HLA-DPB1: variants seen among roughly 807,000 people sequenced by gnomAD.
The protein encoded by HLA-DPB1 is major histocompatibility complex, class II, DP beta 1.
In HLA-DPB1, 30 loss-of-function variants were observed where a neutral mutation model predicts 29.4. That is an observed-to-expected ratio of 1.02 (90% confidence interval 0.76 to 1.38). The LOEUF (loss-of-function observed/expected upper bound fraction) is 1.38. Among genes scored for constraint, HLA-DPB1 ranks in the 40% most tolerant of loss-of-function variants. HLA-DPB1 has a pLI of 0.00. For synonymous variants in HLA-DPB1, 114 were observed against 134.0 expected, an observed-to-expected ratio of 0.85 and a Z score of 1.03; for missense variants, 261 against 327.5, an observed-to-expected ratio of 0.80 and a Z score of 1.57.
Position 33,076,734 on chromosome 6 carries a change from G to A in HLA-DPB1, c.100+593G>A, listed in dbSNP as rs144015997. Among the ~76,000 whole-genome samples, 540 of 152,204 alleles carry A rather than the reference G, an allele frequency of 3.5e-3. 2 individuals carry two copies. The highest frequency in any genetic ancestry group is 0.025 in the East Asian group (132 of 5,182). ...TGGTTAGGGTACTAGAGTGGGTTGC[G>A]ACTTGTAGGAAGAATGAGATGAGGT... On this transcript the variant is annotated intron_variant, in intron 1 of 5. Coordinates refer to ENST00000418931, the MANE Select transcript of HLA-DPB1 (RefSeq NM_002121.6).
chr6:33,088,426 G>A lies in HLA-DPB1; in HGVS notation c.*1892G>A, dbSNP rs1402920607. The stretch of plus-strand genomic sequence containing the variant: ...CTGAGGTATCTGCACCCACATTACA[G>A]GAACAGGATATGTGCTCCTAGGGAA... On this transcript the variant is annotated 3_prime_UTR_variant, in exon 6 of 6. Transcript: ENST00000418931. 6.6e-6 allele frequency among the ~76,000 whole-genome samples: 1 copy of A among 152,164 alleles called. No homozygotes were observed. The highest frequency in any genetic ancestry group is 1.5e-5 in the Non-Finnish European group (1 of 68,032).
At chr6:33,076,709 T>C (rs1430156605) in intron 1 of HLA-DPB1, among the ~76,000 whole-genome samples, 1 of 151,996 alleles carries the variant, frequency 6.6e-6, no homozygotes, top group East Asian at 1.9e-4. Flanking sequence ...CCCCAGAACT[T>C]GGTTAGGGTA....
At position 33,087,624 on chromosome 6, in the gene HLA-DPB1, C is replaced by T. The variant is rs1317661887; in HGVS notation, c.*1090C>T. On this transcript the variant is annotated 3_prime_UTR_variant, in exon 6 of 6. Coordinates refer to ENST00000418931, the MANE Select transcript of HLA-DPB1 (RefSeq NM_002121.6). ...TGGCTTCTTACAAGCATCTTCTGGG[C>T]CTTGTGTGTCCCTGGGCACCTGTCC... Among the ~76,000 whole-genome samples the T allele has an allele frequency of 6.6e-6, 1 of 152,172 alleles. No homozygotes were observed. The highest frequency in any genetic ancestry group is 1.5e-5 in the Non-Finnish European group (1 of 68,040).
chr6:33,080,337 T>G lies in HLA-DPB1; in HGVS notation c.101-335T>G, dbSNP rs922973315. Reference sequence around the variant, plus strand: ...CCCCAGCTCCTCCCGCCCCTGTTTTTTCTCCCAGTGACCCCACGTGAAACG... The same window carrying G: ...CCCCAGCTCCTCCCGCCCCTGTTTTGTCTCCCAGTGACCCCACGTGAAACG... On this transcript the variant is annotated intron_variant, in intron 1 of 5. Coordinates refer to ENST00000418931, the MANE Select transcript of HLA-DPB1 (RefSeq NM_002121.6). The surrounding 1 kb of genome is among the most constrained non-coding windows in gnomAD (Gnocchi z 4.3). The G allele has an allele frequency of 2.0e-6, 1 of 506,382 alleles. No individual in the cohort carries two copies. The allele number at this position is 506,382 out of a possible 1,614,324, so 31.4% of individuals were successfully genotyped here.
Position 33,086,236 on chromosome 6 carries a change from T to TC in HLA-DPB1, c.775_776insC (p.Ter259SerfsTer15). 4 of 1,579,860 alleles carry TC rather than the reference T, an allele frequency of 2.5e-6. No individual in the cohort carries two copies. The highest frequency in any genetic ancestry group is 3.5e-6 in the Non-Finnish European group (4 of 1,150,838). On this transcript the variant is annotated frameshift_variant and stop_lost, in exon 5 of 6. Transcript: ENST00000418931. LOFTEE classifies it high-confidence loss of function. ...CATTTCAGTTCAACGAGGATCTGCA[T>TC]AAACAGGTAATATTCCTGCTTTGAT...
chr6:33,078,105 T>C (rs1762642161), intron 1 of HLA-DPB1, among the ~76,000 whole-genome samples: 1 of 151,442 alleles, frequency 6.6e-6, no homozygotes, highest in Admixed American at 6.6e-5. Flanking sequence ...TGAGGGACAG[T>C]GTTGGGAGCC....
chr6:33,080,961 T>C lies in HLA-DPB1; in HGVS notation c.364+26T>C, dbSNP rs1216916525. On this transcript the variant is annotated intron_variant, in intron 2 of 5. Transcript: ENST00000418931. The surrounding 1 kb of genome is among the most constrained non-coding windows in gnomAD (Gnocchi z 4.3). ...GTGAGTGAGGGCTTTGGGCCGGCGG[T>C]CCCAGGGCAGCCCCGCGGGCCCGTG... 4 of 1,553,664 alleles carry C rather than the reference T, an allele frequency of 2.6e-6. No homozygotes were observed. The highest frequency in any genetic ancestry group is 1.8e-5 in the Admixed American group (1 of 54,998).
At position 33,080,901 on chromosome 6, in the gene HLA-DPB1, C is replaced by T. The variant is rs768075332; in HGVS notation, c.330C>T (p.Tyr110=). Residue 110 remains tyrosine, a synonymous_variant, in exon 2 of 6, where the codon TAC becomes TAT. Transcript: ENST00000418931. This position sits in a 1 kb window ranked among gnomAD's most constrained non-coding sequence, Gnocchi z 4.3. ...CGGACAGGATGTGCAGACACAACTA[C>T]GAGCTGGGCGGGCCCATGACCCTGC... ...AVPDRMCRHN[Y]ELGGPMTLQR... is the part of the protein sequence containing the mutation. The T allele has an allele frequency of 6.2e-7, 1 of 1,607,352 alleles. No individual in the cohort carries two copies. Among genetic ancestry groups the T allele is most frequent in the Non-Finnish European group, 8.5e-7 (1 of 1,177,142 alleles).
Position 33,080,470 on chromosome 6 carries a change from C to T in HLA-DPB1, c.101-202C>T, listed in dbSNP as rs769224035. 3.9e-6 allele frequency: 3 copies of T among 762,112 alleles called. No individual in the cohort carries two copies. The South Asian group carries it at 4.4e-5, about 11-fold the overall frequency. The allele number at this position is 762,112 out of a possible 1,614,324, so 47.2% of individuals were successfully genotyped here. On this transcript the variant is annotated intron_variant, in intron 1 of 5. Coordinates refer to ENST00000418931, the MANE Select transcript of HLA-DPB1 (RefSeq NM_002121.6). This position sits in a 1 kb window ranked among gnomAD's most constrained non-coding sequence, Gnocchi z 4.3. ...GAGCTCATTCTTTTCAGTAAATTCT[C>T]TCTCTGCGTGGTGAGAAAACAGGCC...
At chr6:33,078,644 T>G (rs1762679335) in intron 1 of HLA-DPB1, among the ~76,000 whole-genome samples, 1 of 152,100 alleles carries the variant, frequency 6.6e-6, no homozygotes. Context: ...AATGAAGGTT[T>G]CAAATTACAC....
At chr6:33,081,036 C>A in intron 2 of HLA-DPB1, 101 bp downstream of exon 2, 3 of 1,317,324 alleles carry the variant, frequency 2.3e-6, no homozygotes, top group Non-Finnish European at 3.0e-6. Context: ...TAGTGCCGGG[C>A]GGAAAGGGGA....
chr6:33,082,870 G>A (rs990285009), intron 2 of HLA-DPB1, among the ~76,000 whole-genome samples: 1 of 152,126 alleles, frequency 6.6e-6, no homozygotes, highest in Non-Finnish European at 1.5e-5. Context: ...GAGGCCATTG[G>A]GTATCAGGCC....
Position 33,087,943 on chromosome 6 carries a change from T to TC in HLA-DPB1, c.*1412dup, listed in dbSNP as rs60460211. 0.18 allele frequency among the ~76,000 whole-genome samples: 27,694 copies of TC among 152,100 alleles called. 4,236 individuals are homozygous for TC. The highest frequency in any genetic ancestry group is 0.42 in the African/African-American group (17,423 of 41,400). On this transcript the variant is annotated 3_prime_UTR_variant, in exon 6 of 6. Coordinates refer to ENST00000418931, the MANE Select transcript of HLA-DPB1 (RefSeq NM_002121.6). ...ATTTTTTCTTTTTAAAACATCTTTA[T>TC]CCCTGATCAGCCTCATTTCCTCAAA... is the stretch of plus-strand genomic sequence containing the variant.
intron 2 of HLA-DPB1, 131 bp from the exon 3 acceptor site, chr6:33,084,819 G>C: frequency 2.8e-6 from 2 of 717,700 alleles, no homozygotes; most frequent in Non-Finnish European, 4.4e-6. Context: ...AAGAATGAAA[G>C]AAAGAAAGAG....
chr6:33,084,577 C>A (rs9277441), intron 2 of HLA-DPB1, among the ~76,000 whole-genome samples: 57,003 of 150,786 alleles, frequency 0.38, 12,419 homozygotes, highest in East Asian at 0.64. Context: ...TGAGGTCAGG[C>A]GTTGGTCAAG....
chr6:33,086,292 G>C (rs765640102), intron 5 of HLA-DPB1, 50 bp downstream of exon 5: 1 of 1,378,700 alleles, frequency 7.3e-7, no homozygotes, highest in African/African-American at 1.5e-5. Flanking sequence ...AGGAGGATAT[G>C]AGTCCTTTCT....
chr6:33,079,085 C>T (rs1204137152), intron 1 of HLA-DPB1, among the ~76,000 whole-genome samples: 2 of 152,200 alleles, frequency 1.3e-5, no homozygotes, highest in African/African-American at 2.4e-5. Context: ...TGCCCTTGAG[C>T]CCAGCCCTAC....
Position 33,087,717 on chromosome 6 carries a change from G to T in HLA-DPB1, c.*1183G>T, listed in dbSNP as rs9277551. ...CCCCTTGCAAATAATATCTTCCATC[G>T]GGGGACCGGCTTCCTCCAATTTCAG... On this transcript the variant is annotated 3_prime_UTR_variant, in exon 6 of 6. Coordinates refer to ENST00000418931, the MANE Select transcript of HLA-DPB1 (RefSeq NM_002121.6). Among the ~76,000 whole-genome samples the T allele has an allele frequency of 0.38, 57,528 of 151,676 alleles. 12,294 individuals are homozygous for T. The highest frequency in any genetic ancestry group is 0.64 in the East Asian group (3,295 of 5,154).
intron 2 of HLA-DPB1, chr6:33,083,617 C>T (rs9277401): frequency 0.38 from 57,796 of 152,098 alleles, 12,442 homozygotes; most frequent in East Asian, 0.64. Context: ...TACAGATACA[C>T]GTACCACCAT....
Sources: allele counts gnomAD v4.1 joint callset (sites outside exome capture counted in the v4.1 genomes callset), GRCh38; gene constraint gnomAD v4.1.1; non-coding constraint Gnocchi (gnomAD v3.1); transcripts MANE v1.5; gene names NCBI Gene and HGNC (gene_info 2026-07-23, HGNC 2026-07-21).